CSMD2: variants seen among roughly 807,000 people sequenced by gnomAD.
The protein encoded by CSMD2 is CUB and Sushi multiple domains 2, also known as CUB and sushi domain-containing protein 2.
A neutral mutation model predicts 398.5 loss-of-function variants in CSMD2; 130 were observed. That is an observed-to-expected ratio of 0.33 (90% CI 0.28 to 0.38). CSMD2 has a LOEUF of 0.38. Ranked by LOEUF, CSMD2 falls within the 10% of genes least tolerant of loss-of-function variation. CSMD2 has a pLI of 1.00. For missense variants in CSMD2, 3,829 were observed against 4,764.9 expected, an observed-to-expected ratio of 0.80 and a Z score of 5.78; for synonymous variants, 1,828 against 1,908.5, an observed-to-expected ratio of 0.96 and a Z score of 1.10.
chr1:33,634,375 A>T (rs1388921465), intron 31 of CSMD2, among the ~76,000 whole-genome samples: 1 of 152,142 alleles, frequency 6.6e-6, no homozygotes, highest in Non-Finnish European at 1.5e-5. Flanking sequence ...GTGCTTGCCC[A>T]TCCTGTCTTG....
intron 7 of CSMD2, among the ~76,000 whole-genome samples, chr1:33,821,865 T>C (rs1174766454): frequency 1.3e-5 from 2 of 151,954 alleles, no homozygotes; most frequent in African/African-American, 2.4e-5. Flanking sequence ...TCTGAGCTAA[T>C]AGGATTTAGA....
intron 25 of CSMD2, 106 bp downstream of exon 25, chr1:33,692,824 A>G: frequency 1.4e-6 from 2 of 1,382,918 alleles, no homozygotes; most frequent in African/African-American, 1.5e-5. Flanking sequence ...AAGGTTCTCC[A>G]GGTGAGGCAG....
At chr1:34,101,013 T>C (rs1469317827) in intron 1 of CSMD2, among the ~76,000 whole-genome samples, 1 of 152,216 alleles carries the variant, frequency 6.6e-6, no homozygotes. Context: ...TGTATGTTAG[T>C]AAGTTGAAGA....
chr1:33,931,565 A>G (rs1359081186), intron 4 of CSMD2, among the ~76,000 whole-genome samples: 1 of 152,028 alleles, frequency 6.6e-6, no homozygotes, highest in Non-Finnish European at 1.5e-5. Flanking sequence ...GCAGAACCAC[A>G]TCTCAGACCC....
At chr1:34,073,426 A>G (rs530152385) in intron 2 of CSMD2, among the ~76,000 whole-genome samples, 3 of 152,184 alleles carry the variant, frequency 2.0e-5, no homozygotes, top group Non-Finnish European at 2.9e-5. Context: ...GGATGTCCCA[A>G]TAAGCCTCAT....
intron 28 of CSMD2, among the ~76,000 whole-genome samples, chr1:33,651,917 G>A (rs1184930099): frequency 6.6e-6 from 1 of 152,018 alleles, no homozygotes; most frequent in Non-Finnish European, 1.5e-5. Context: ...AAGTGCAGGA[G>A]CTAGATTGGG....
rs527943846 is a variant in CSMD2, at chr1:34,052,981, G to A, written c.405-20275C>T. On this transcript the variant is annotated intron_variant, in intron 2 of 70. Coordinates refer to ENST00000373381, the MANE Select transcript of CSMD2 (RefSeq NM_001281956.2). Reference sequence around the variant, plus strand: ...GGGGACAAAGAGCAAGCTGGTGATGGGAAGGAAGCATGTGAGACAAGGAGT... The same window carrying A: ...GGGGACAAAGAGCAAGCTGGTGATGAGAAGGAAGCATGTGAGACAAGGAGT... 8.5e-5 allele frequency among the ~76,000 whole-genome samples: 13 copies of A among 152,204 alleles called. No homozygotes were observed. The South Asian group carries it at 2.7e-3, about 32-fold the overall frequency.
At chr1:33,978,087 A>G (rs749733) in intron 3 of CSMD2, among the ~76,000 whole-genome samples, 53,914 of 151,746 alleles carry the variant, frequency 0.36, 10,188 homozygotes, top group East Asian at 0.56. Flanking sequence ...CAAGGTGGAG[A>G]CTTTATTATT....
chr1:33,568,189 CT>C (rs370507143), intron 52 of CSMD2, among the ~76,000 whole-genome samples: 58 of 141,318 alleles, frequency 4.1e-4, no homozygotes, highest in East Asian at 1.0e-3. Flanking sequence ...TCAGGAGCAT[CT>C]TTTTTTTTTT....
chr1:34,028,557 T>G (rs906384804), intron 3 of CSMD2, among the ~76,000 whole-genome samples: 4 of 152,166 alleles, frequency 2.6e-5, no homozygotes, highest in African/African-American at 9.7e-5. Context: ...TTTACCTGCC[T>G]GTGAAATGGA....
intron 2 of CSMD2, among the ~76,000 whole-genome samples, chr1:34,035,750 A>AACAGTAGCTG (rs1294927150): frequency 6.6e-6 from 1 of 152,044 alleles, no homozygotes; most frequent in Non-Finnish European, 1.5e-5. Context: ...AAAAAAAAAA[A>AACAGTAGCTG]ACAGTAGCTG....
chr1:33,821,584 C>T (rs1658162652), intron 7 of CSMD2, among the ~76,000 whole-genome samples: 1 of 152,178 alleles, frequency 6.6e-6, no homozygotes. Flanking sequence ...TTCAATGTCC[C>T]ATAAGGTGAA....
chr1:33,984,895 G>A (rs1570717662), intron 3 of CSMD2, among the ~76,000 whole-genome samples: 1 of 151,926 alleles, frequency 6.6e-6, no homozygotes, highest in East Asian at 1.9e-4. Flanking sequence ...AGGAAGGAAG[G>A]AAGGAAATCT....
intron 25 of CSMD2, among the ~76,000 whole-genome samples, chr1:33,683,522 G>A (rs1644971813): frequency 6.6e-6 from 1 of 152,186 alleles, no homozygotes; most frequent in Admixed American, 6.5e-5. Context: ...TGGTTGAATA[G>A]TTTATTTTCC....
chr1:33,783,852 G>C (rs1415248115), intron 12 of CSMD2, among the ~76,000 whole-genome samples: 1 of 152,160 alleles, frequency 6.6e-6, no homozygotes, highest in Non-Finnish European at 1.5e-5. Flanking sequence ...AAACCACCCA[G>C]TCTTTTTTGT....
At chr1:34,049,889 G>A (rs1401249242) in intron 2 of CSMD2, among the ~76,000 whole-genome samples, 1 of 152,152 alleles carries the variant, frequency 6.6e-6, no homozygotes, top group African/African-American at 2.4e-5. Context: ...GATTAGATGA[G>A]GTCATAAGGA....
At chr1:33,558,179 A>G (rs1318411) in intron 54 of CSMD2, among the ~76,000 whole-genome samples, 65,091 of 152,060 alleles carry the variant, frequency 0.43, 15,420 homozygotes, top group Admixed American at 0.61. Context: ...ACAAATCGCT[A>G]TTGCTGACTT....
At chr1:33,605,883 T>A in intron 41 of CSMD2, 1 of 1,613,734 alleles carries the variant, frequency 6.2e-7, no homozygotes, top group South Asian at 1.1e-5. Context: ...AGGATCAAGA[T>A]CCCAGACATA....
intron 1 of CSMD2, among the ~76,000 whole-genome samples, chr1:34,122,859 T>C (rs916079563): frequency 6.6e-6 from 1 of 152,166 alleles, no homozygotes; most frequent in African/African-American, 2.4e-5. Flanking sequence ...CCAAATGCCT[T>C]CCTAATCCCA....
Sources: allele counts gnomAD v4.1 joint callset (sites outside exome capture counted in the v4.1 genomes callset), GRCh38; gene constraint gnomAD v4.1.1; transcripts MANE v1.5; gene names NCBI Gene and HGNC (gene_info 2026-07-23, HGNC 2026-07-21).